The following METTL15 variants were observed in gnomAD, a reference collection of about 807,000 sequenced individuals.
METTL15 encodes the protein 12S rRNA N(4)-cytidine methyltransferase METTL15.
METTL15 carries 34 observed loss-of-function variants against 38.3 expected under a neutral mutation model. The ratio of observed to expected loss-of-function variants is 0.89; its 90% CI spans 0.68 to 1.18. The LOEUF (loss-of-function observed/expected upper bound fraction) is 1.18, where lower values mean the gene tolerates loss of function less well. Among genes scored for constraint, METTL15 ranks in the 50% most tolerant of loss-of-function variants. The probability of loss-of-function intolerance (pLI) is 0.00; values close to 1 mark genes in which losing one functional copy is unlikely to be tolerated. For synonymous variants in METTL15, 162 were observed against 170.9 expected, an observed-to-expected ratio of 0.95 and a Z score of 0.41; for missense variants, 438 against 498.4, an observed-to-expected ratio of 0.88 and a Z score of 1.15.
downstream of METTL15, among the ~76,000 whole-genome samples, chr11:28,531,795 A>C (rs960422347): frequency 6.6e-6 from 1 of 152,084 alleles, no homozygotes; most frequent in Non-Finnish European, 1.5e-5. Context: ...CCAGGTAAAC[A>C]GATAATCAAA....
At chr11:28,210,981 G>A in intron 3 of METTL15, 81 bp from the exon 4 acceptor site, 1 of 1,382,876 alleles carries the variant, frequency 7.2e-7, no homozygotes, top group East Asian at 2.4e-5. Flanking sequence ...AAATCATTGT[G>A]TGCTTCTAGA....
intron 5 of METTL15, among the ~76,000 whole-genome samples, chr11:28,392,509 A>C (rs1190192645): frequency 6.6e-6 from 1 of 152,088 alleles, no homozygotes; most frequent in Admixed American, 6.6e-5. Context: ...TCAACAAATG[A>C]TATAGGAAAC....
At chr11:28,291,050 CTTTT>C (rs1313497959) in intron 5 of METTL15, among the ~76,000 whole-genome samples, 6 of 133,640 alleles carry the variant, frequency 4.5e-5, no homozygotes, top group Admixed American at 1.5e-4. Context: ...TAATTCTTTT[CTTTT>C]TTTTTTTTTT....
At chr11:28,172,229 A>G (rs915241302) in intron 3 of METTL15, among the ~76,000 whole-genome samples, 1 of 152,186 alleles carries the variant, frequency 6.6e-6, no homozygotes, top group African/African-American at 2.4e-5. Flanking sequence ...ATTTTAGCAT[A>G]AAGTCCATTT....
At chr11:28,127,171 G>GTGGA in intron 3 of METTL15, among the ~76,000 whole-genome samples, 1 of 152,226 alleles carries the variant, frequency 6.6e-6, no homozygotes, top group East Asian at 1.9e-4. Flanking sequence ...TCTCTACACT[G>GTGGA]TGGAGGATGG....
chr11:28,427,698 G>T (rs1278044441), intron 6 of METTL15, among the ~76,000 whole-genome samples: 1 of 152,084 alleles, frequency 6.6e-6, no homozygotes, highest in Non-Finnish European at 1.5e-5. Context: ...TGTGGCAATT[G>T]GGAATGGGAG....
intron 6 of METTL15, among the ~76,000 whole-genome samples, chr11:28,506,433 A>G (rs1368171312): frequency 6.6e-6 from 1 of 152,084 alleles, no homozygotes; most frequent in Non-Finnish European, 1.5e-5. Flanking sequence ...AATAATACCT[A>G]TTTTTTCAAA....
intron 6 of METTL15, among the ~76,000 whole-genome samples, chr11:28,474,629 T>G (rs1851329482): frequency 6.6e-6 from 1 of 152,196 alleles, no homozygotes; most frequent in Non-Finnish European, 1.5e-5. Flanking sequence ...CTGTAGGTAT[T>G]CAAGGATGAT....
chr11:28,394,025 G>A (rs967769949), intron 5 of METTL15, among the ~76,000 whole-genome samples: 1 of 152,044 alleles, frequency 6.6e-6, no homozygotes, highest in African/African-American at 2.4e-5. Flanking sequence ...TATACAGTCT[G>A]CTATAATTAC....
At chr11:28,304,520 G>A (rs1289754785) in intron 6 of METTL15, among the ~76,000 whole-genome samples, 1 of 151,964 alleles carries the variant, frequency 6.6e-6, no homozygotes, top group Non-Finnish European at 1.5e-5. Flanking sequence ...GTTCGAAACT[G>A]GCCTGTTCAA....
At chr11:28,502,045 G>T (rs1564949524) in intron 6 of METTL15, among the ~76,000 whole-genome samples, 1 of 150,468 alleles carries the variant, frequency 6.6e-6, no homozygotes, top group Non-Finnish European at 1.5e-5. Context: ...AGCTTGCAGG[G>T]AGCGGAGATC....
At chr11:28,206,372 C>T (rs1852344181) in intron 3 of METTL15, among the ~76,000 whole-genome samples, 1 of 152,088 alleles carries the variant, frequency 6.6e-6, no homozygotes, top group South Asian at 2.1e-4. Flanking sequence ...GGAATCCTTT[C>T]CCCATTTCTT....
intron 4 of METTL15, among the ~76,000 whole-genome samples, chr11:28,265,654 T>A (rs1855384195): frequency 6.6e-6 from 1 of 152,148 alleles, no homozygotes; most frequent in Non-Finnish European, 1.5e-5. Context: ...CTTTCTTTTC[T>A]TTCCTATCTA....
chr11:28,233,808 TTTA>T (rs1590196338), intron 4 of METTL15, among the ~76,000 whole-genome samples: 1 of 152,110 alleles, frequency 6.6e-6, no homozygotes, highest in East Asian at 1.9e-4. Flanking sequence ...TTTCTTTTTT[TTTA>T]TTATTATTAT....
intron 4 of METTL15, among the ~76,000 whole-genome samples, chr11:28,263,884 GAACGT>G (rs1855307597): frequency 6.6e-6 from 1 of 151,872 alleles, no homozygotes; most frequent in South Asian, 2.1e-4. Context: ...CCTTTGCTAT[GAACGT>G]AACTTATTAT....
At chr11:28,489,346 T>C (rs1851474349) in intron 6 of METTL15, among the ~76,000 whole-genome samples, 1 of 152,144 alleles carries the variant, frequency 6.6e-6, no homozygotes, top group Non-Finnish European at 1.5e-5. Flanking sequence ...CCTTGGTACT[T>C]CAGAGCATGA....
downstream of METTL15, among the ~76,000 whole-genome samples, chr11:28,336,575 A>G (rs1849902839): frequency 6.6e-6 from 1 of 152,208 alleles, no homozygotes; most frequent in Non-Finnish European, 1.5e-5. Flanking sequence ...GACTACACTC[A>G]TGCACCACTT....
intron 3 of METTL15, among the ~76,000 whole-genome samples, chr11:28,170,953 G>A (rs1209378854): frequency 2.0e-5 from 3 of 152,150 alleles, no homozygotes; most frequent in Admixed American, 6.6e-5. Context: ...AGATGGAGTC[G>A]CTGTGGTTCG....
At chr11:28,330,222 C>A (rs934986967) in intron 6 of METTL15, among the ~76,000 whole-genome samples, 174 bp from the exon 7 acceptor site, 4 of 152,060 alleles carry the variant, frequency 2.6e-5, no homozygotes, top group African/African-American at 7.2e-5. Context: ...TAGTTTTAAA[C>A]CTTGGAAGAA....
Sources: allele counts gnomAD v4.1 joint callset (sites outside exome capture counted in the v4.1 genomes callset), GRCh38; gene constraint gnomAD v4.1.1; transcripts MANE v1.5; gene names NCBI Gene and HGNC (gene_info 2026-07-23, HGNC 2026-07-21).